The following ARHGAP26 variants were observed in gnomAD, a reference collection of about 807,000 sequenced individuals.
ARHGAP26 encodes the protein rho GTPase-activating protein 26.
Under a neutral mutation model 104.8 loss-of-function variants are expected in ARHGAP26, and 38 were observed. That is an observed-to-expected ratio of 0.36 (90% CI 0.28 to 0.48). ARHGAP26 has a LOEUF of 0.48. ARHGAP26 is among the 20% of genes least tolerant of loss of function. The pLI is 0.99. For missense variants in ARHGAP26, 704 were observed against 947.9 expected (o/e 0.74, Z 3.38); for synonymous variants, 341 against 340.0 (o/e 1.00, Z -0.03).
intron 17 of ARHGAP26, among the ~76,000 whole-genome samples, chr5:143,100,385 C>A (rs1163386762): frequency 6.6e-6 from 1 of 152,152 alleles, no homozygotes; most frequent in Non-Finnish European, 1.5e-5. Flanking sequence ...TGGGAAATAG[C>A]GAAGGAACAT....
chr5:143,091,883 T>C (rs1791478732), intron 17 of ARHGAP26, among the ~76,000 whole-genome samples: 1 of 152,236 alleles, frequency 6.6e-6, no homozygotes, highest in East Asian at 1.9e-4. Flanking sequence ...TGCTTAAACC[T>C]TTAAAACAAA....
chr5:143,210,581 C>G (rs1300151518), intron 21 of ARHGAP26, among the ~76,000 whole-genome samples: 2 of 152,206 alleles, frequency 1.3e-5, no homozygotes, highest in African/African-American at 4.8e-5. Flanking sequence ...TTTTCTTTCA[C>G]TTGCTCACCC....
intron 20 of ARHGAP26, among the ~76,000 whole-genome samples, chr5:143,187,838 A>G (rs1320119567): frequency 6.6e-6 from 1 of 152,246 alleles, no homozygotes; most frequent in East Asian, 1.9e-4. Flanking sequence ...CTGTTATTTT[A>G]GAAGCAGGAC....
intron 17 of ARHGAP26, among the ~76,000 whole-genome samples, chr5:143,109,397 T>C (rs1019955984): frequency 6.6e-5 from 10 of 152,210 alleles, no homozygotes; most frequent in Non-Finnish European, 1.3e-4. Context: ...TGAATTCTCT[T>C]ATTGGGTTTT....
intron 22 of ARHGAP26, among the ~76,000 whole-genome samples, chr5:143,215,364 G>C (rs1810183351): frequency 6.6e-6 from 1 of 152,138 alleles, no homozygotes. Context: ...CTGATCTCAG[G>C]GGCAGAATTG....
chr5:143,068,627 A>G (rs1039026835), intron 17 of ARHGAP26, among the ~76,000 whole-genome samples: 1 of 152,252 alleles, frequency 6.6e-6, no homozygotes, highest in African/African-American at 2.4e-5. Flanking sequence ...GCACATAAGC[A>G]TGTTGTAATT....
rs1043030198 is a variant in ARHGAP26, at chr5:143,048,937, C to T, written c.1286-5502C>T. Among the ~76,000 whole-genome samples, 7 of 135,710 alleles carry T rather than the reference C, an allele frequency of 5.2e-5. No homozygotes were observed. In the East Asian group the frequency reaches 1.5e-3, roughly 28 times the overall value. 89.0% of individuals were successfully genotyped at this position (135,710 alleles called of 152,430 possible). ...CAAAAAAGAAAAAAAAAAAAAAAAA[C>T]CTTACCCAATCTAGAATGACAAAAA... On this transcript the variant is annotated intron_variant, in intron 14 of 22. Transcript: ENST00000645722.
intron 17 of ARHGAP26, among the ~76,000 whole-genome samples, chr5:143,106,029 C>G (rs1053281735): frequency 2.0e-5 from 3 of 151,980 alleles, no homozygotes; most frequent in Admixed American, 2.0e-4. Flanking sequence ...TTCTTCCTCT[C>G]CCCACAAGTT....
chr5:143,011,246 C>T (rs906479108), intron 11 of ARHGAP26, among the ~76,000 whole-genome samples: 6 of 150,796 alleles, frequency 4.0e-5, no homozygotes, highest in Non-Finnish European at 7.4e-5. Flanking sequence ...AGGCCTGGCG[C>T]AAACGTCATC....
intron 20 of ARHGAP26, among the ~76,000 whole-genome samples, chr5:143,156,041 G>C (rs898110269): frequency 7.2e-5 from 11 of 152,182 alleles, no homozygotes; most frequent in African/African-American, 2.7e-4. Flanking sequence ...TTAAGATTTC[G>C]CATGGCTTTT....
At chr5:142,840,737 C>T (rs1770620262) in intron 1 of ARHGAP26, among the ~76,000 whole-genome samples, 1 of 152,112 alleles carries the variant, frequency 6.6e-6, no homozygotes, top group African/African-American at 2.4e-5. Context: ...GTACTCCACC[C>T]AGAAGCTGAG....
At chr5:143,192,048 G>C (rs2151259176) in intron 20 of ARHGAP26, among the ~76,000 whole-genome samples, 1 of 152,252 alleles carries the variant, frequency 6.6e-6, no homozygotes, top group African/African-American at 2.4e-5. Flanking sequence ...TGATCCTGTG[G>C]AGTCTTTCTT....
intron 11 of ARHGAP26, among the ~76,000 whole-genome samples, chr5:142,982,429 G>A (rs1027352673): frequency 2.6e-5 from 4 of 152,238 alleles, no homozygotes; most frequent in African/African-American, 9.6e-5. Flanking sequence ...AGGACAGGGG[G>A]TGTCTTGTAG....
intron 1 of ARHGAP26, chr5:142,866,879 G>T (rs1754377230): frequency 6.6e-6 from 1 of 152,214 alleles, no homozygotes; most frequent in Non-Finnish European, 1.5e-5. Context: ...ATCTGCTCCA[G>T]CCAGATCTGA....
At chr5:142,777,202 C>T (rs1756502169) in intron 1 of ARHGAP26, among the ~76,000 whole-genome samples, 1 of 152,136 alleles carries the variant, frequency 6.6e-6, no homozygotes, top group Non-Finnish European at 1.5e-5. Context: ...GTGCTTCAAC[C>T]TTAGATGTAT....
At chr5:142,868,165 T>C (rs1467067550) in intron 1 of ARHGAP26, 1 of 152,440 alleles carries the variant, frequency 6.6e-6, no homozygotes, top group Non-Finnish European at 1.5e-5. Flanking sequence ...GGGTTGGGTT[T>C]GGCCTGATTA....
chr5:143,050,104 G>GT (rs1356428364), intron 14 of ARHGAP26, among the ~76,000 whole-genome samples: 2 of 152,226 alleles, frequency 1.3e-5, no homozygotes, highest in Non-Finnish European at 2.9e-5. Flanking sequence ...CTTGGGCTAT[G>GT]TTGTTGGTGG....
chr5:142,944,798 C>T (rs1766863183), intron 11 of ARHGAP26, among the ~76,000 whole-genome samples: 1 of 152,012 alleles, frequency 6.6e-6, no homozygotes, highest in Admixed American at 6.6e-5. Flanking sequence ...GGGATTATAC[C>T]CATTGTTTTA....
At chr5:142,838,869 A>T (rs1407138910) in intron 1 of ARHGAP26, among the ~76,000 whole-genome samples, 1 of 152,198 alleles carries the variant, frequency 6.6e-6, no homozygotes, top group Admixed American at 6.5e-5. Context: ...GTAGAACTGG[A>T]TAGGGACAAA....
Sources: allele counts gnomAD v4.1 joint callset (sites outside exome capture counted in the v4.1 genomes callset), GRCh38; gene constraint gnomAD v4.1.1; transcripts MANE v1.5; gene names NCBI Gene and HGNC (gene_info 2026-07-23, HGNC 2026-07-21).